The following ALK variants were observed in gnomAD, a reference collection of about 807,000 sequenced individuals.
The protein encoded by ALK is ALK tyrosine kinase receptor.
A neutral mutation model predicts 163.1 loss-of-function variants in ALK; 74 were observed. The observed-to-expected ratio is 0.45, with a 90% confidence interval of 0.38 to 0.55. The LOEUF (loss-of-function observed/expected upper bound fraction) is 0.55, where lower values mean the gene tolerates loss of function less well. Ranked by LOEUF, ALK falls within the 20% of genes least tolerant of loss-of-function variation. The pLI is 0.00. For missense variants in ALK, 2,063 were observed against 2,105.3 expected (o/e 0.98, Z 0.39); for synonymous variants, 960 against 843.2 (o/e 1.14, Z -2.40).
chr2:29,343,374 A>G (rs1416522208), intron 5 of ALK, among the ~76,000 whole-genome samples: 1 of 111,862 alleles, frequency 8.9e-6, no homozygotes, highest in Non-Finnish European at 1.9e-5. Flanking sequence ...GCATCTGGCT[A>G]AGTAAAAAAA....
chr2:29,455,889 CTG>C (rs1670938575), intron 4 of ALK, among the ~76,000 whole-genome samples: 1 of 152,196 alleles, frequency 6.6e-6, no homozygotes. Flanking sequence ...ACTCTCTACT[CTG>C]TGGTTTTCCC....
rs1241703232 is a variant in ALK, at chr2:29,318,347, G to C, written c.1604C>G (p.Thr535Ser). Residue 535 changes from threonine (T) to serine (S), a missense_variant, in exon 8 of 29, where the codon ACC becomes AGC. Physicochemically the swap from Thr to Ser is moderately conservative, Grantham distance 58. Transcript: ENST00000389048. ...GATCGGTGCAGGAAACGTAGCACTG[G>C]TCACTGTAGCACTTTCAGAAGCGGG... Reference protein sequence around the residue: ...DVPASESATVTSATFPAPIKS... With the variant: ...DVPASESATVSSATFPAPIKS... 3 of 1,614,048 alleles carry C rather than the reference G, an allele frequency of 1.9e-6. No homozygotes were observed. In the South Asian group the frequency reaches 3.3e-5, roughly 18 times the overall value.
chr2:29,391,482 G>A (rs1271511147), intron 4 of ALK, among the ~76,000 whole-genome samples: 2 of 152,092 alleles, frequency 1.3e-5, no homozygotes, highest in African/African-American at 4.8e-5. Flanking sequence ...TGTATTTTTA[G>A]TCAAGATGGG....
At chr2:29,464,916 C>T (rs1025605908) in intron 4 of ALK, among the ~76,000 whole-genome samples, 10 of 151,866 alleles carry the variant, frequency 6.6e-5, no homozygotes, top group African/African-American at 2.4e-4. Flanking sequence ...AAATGAAGCT[C>T]AGAAAAAAAG....
At position 29,824,157 on chromosome 2, in the gene ALK, C is replaced by T. The variant is rs190364580; in HGVS notation, c.667+95836G>A. ...TTAGCAGCTTCCATGTAGTGTTGAG[C>T]CTGCAGGTACACAGAAGTCAAGAAT... On this transcript the variant is annotated intron_variant, in intron 1 of 28. Coordinates refer to ENST00000389048, the MANE Select transcript of ALK (RefSeq NM_004304.5). Among the ~76,000 whole-genome samples the T allele has an allele frequency of 3.3e-5, 5 of 152,324 alleles. No individual in the cohort carries two copies. The East Asian group carries it at 9.6e-4, about 29-fold the overall frequency.
intron 1 of ALK, among the ~76,000 whole-genome samples, chr2:29,796,309 A>G (rs1036625577): frequency 1.3e-5 from 2 of 152,088 alleles, no homozygotes; most frequent in African/African-American, 4.8e-5. Flanking sequence ...AAAATACAGC[A>G]CGGATTTCCT....
rs938766741 is a variant in ALK, at chr2:29,380,424, T to C, written c.1282+3308A>G. ...TGGCTGCTGCACACTTTTGTTTTTGTTTTTGTCTTTTGAGACGGAGTTTCA... is the reference window on the plus strand; with the variant it reads ...TGGCTGCTGCACACTTTTGTTTTTGCTTTTGTCTTTTGAGACGGAGTTTCA... On this transcript the variant is annotated intron_variant, in intron 5 of 28. Transcript: ENST00000389048. Among the ~76,000 whole-genome samples the C allele has an allele frequency of 4.6e-4, 69 of 151,096 alleles. 1 individual carries two copies. The highest frequency in any genetic ancestry group is 8.7e-4 in the Non-Finnish European group (59 of 67,824).
intron 4 of ALK, among the ~76,000 whole-genome samples, chr2:29,477,571 C>A (rs1217251440): frequency 2.0e-5 from 3 of 151,944 alleles, no homozygotes; most frequent in Non-Finnish European, 4.4e-5. Context: ...AGAGTTGGTC[C>A]CAGATTTTAA....
At chr2:29,814,063 C>A (rs1664828278) in intron 1 of ALK, among the ~76,000 whole-genome samples, 1 of 152,186 alleles carries the variant, frequency 6.6e-6, no homozygotes, top group Non-Finnish European at 1.5e-5. Flanking sequence ...GGGCTGACCT[C>A]CCCTGGGGTG....
At chr2:29,456,046 A>G (rs920638799) in intron 4 of ALK, among the ~76,000 whole-genome samples, 7 of 152,164 alleles carry the variant, frequency 4.6e-5, no homozygotes, top group Non-Finnish European at 8.8e-5. Flanking sequence ...CAACAACAAC[A>G]ATGTCCAGAA....
intron 9 of ALK, among the ~76,000 whole-genome samples, chr2:29,283,699 G>C (rs1050447538): frequency 6.6e-6 from 1 of 152,062 alleles, no homozygotes; most frequent in Admixed American, 6.5e-5. Flanking sequence ...GTGCCATCTT[G>C]GTTTTTAAAA....
chr2:29,359,701 T>A (rs1668344052), intron 5 of ALK, among the ~76,000 whole-genome samples: 1 of 152,178 alleles, frequency 6.6e-6, no homozygotes, highest in Non-Finnish European at 1.5e-5. Context: ...AATGGGCTGC[T>A]TCAGCCACTC....
Position 29,787,700 on chromosome 2 carries a change from T to C in ALK, c.668-70003A>G, listed in dbSNP as rs191216608. ...AGAGAGGAAGCAGTAAGTATGCAGA[T>C]AAGAGGCTGTAAGACAGTAGGGTGG... On this transcript the variant is annotated intron_variant, in intron 1 of 28. Transcript: ENST00000389048. Among the ~76,000 whole-genome samples, 570 of 152,218 alleles carry C rather than the reference T, an allele frequency of 3.7e-3. 3 individuals are homozygous for C. Among genetic ancestry groups the C allele is most frequent in the Non-Finnish European group, 4.9e-3 (333 of 68,006 alleles).
intron 9 of ALK, among the ~76,000 whole-genome samples, chr2:29,288,342 G>T (rs533218750): frequency 2.0e-5 from 3 of 152,154 alleles, no homozygotes; most frequent in African/African-American, 7.2e-5. Context: ...TTTTTCACTT[G>T]GGTCCTGACC....
intron 3 of ALK, among the ~76,000 whole-genome samples, chr2:29,581,064 A>G (rs983998836): frequency 6.6e-6 from 1 of 152,200 alleles, no homozygotes; most frequent in Non-Finnish European, 1.5e-5. Context: ...TTCCTTTCCA[A>G]GAAGTTGTCA....
chr2:29,196,995 GC>G, intron 27 of ALK, 135 bp from the exon 28 acceptor site: 3 of 706,194 alleles, frequency 4.2e-6, no homozygotes, highest in South Asian at 3.2e-5. Flanking sequence ...GGCCTATGCT[GC>G]CCCCTGCTGA....
At chr2:29,572,312 G>T (rs1301234590) in intron 3 of ALK, among the ~76,000 whole-genome samples, 1 of 152,188 alleles carries the variant, frequency 6.6e-6, no homozygotes, top group East Asian at 1.9e-4. Flanking sequence ...TCAGCGTTGT[G>T]GGCCATTCAG....
chr2:29,630,129 C>T lies in ALK; in HGVS notation c.952+64721G>A, dbSNP rs997528762. ...TTGACTGGCCACATGTGCCTTAAAG[C>T]ATTGGAATAAGCACGGAGGAGGTGA... is the stretch of plus-strand genomic sequence containing the variant. On this transcript the variant is annotated intron_variant, in intron 3 of 28. Coordinates refer to ENST00000389048, the MANE Select transcript of ALK (RefSeq NM_004304.5). 2.0e-5 allele frequency among the ~76,000 whole-genome samples: 3 copies of T among 152,110 alleles called. No individual in the cohort carries two copies. The South Asian group carries it at 6.2e-4, about 32-fold the overall frequency.
chr2:29,673,751 C>G (rs1018162162), intron 3 of ALK, among the ~76,000 whole-genome samples: 1 of 149,938 alleles, frequency 6.7e-6, no homozygotes, highest in Non-Finnish European at 1.5e-5. Flanking sequence ...GGCATTGAAT[C>G]TGTAAATTAC....
Sources: allele counts gnomAD v4.1 joint callset (sites outside exome capture counted in the v4.1 genomes callset), GRCh38; gene constraint gnomAD v4.1.1; transcripts MANE v1.5; gene names NCBI Gene and HGNC (gene_info 2026-07-23, HGNC 2026-07-21).